The following PTPRD variants were observed in gnomAD, a reference collection of about 807,000 sequenced individuals.
PTPRD encodes receptor-type tyrosine-protein phosphatase delta.
A neutral mutation model predicts 214.5 loss-of-function variants in PTPRD; 34 were observed. The observed-to-expected ratio is 0.16, with a 90% CI of 0.12 to 0.21. The LOEUF is 0.21. PTPRD is among the 10% of genes least tolerant of loss of function. The probability of loss-of-function intolerance (pLI) is 1.00; values close to 1 mark genes in which losing one functional copy is unlikely to be tolerated. For missense variants in PTPRD, 2,545 were observed against 2,398.7 expected (o/e 1.06, Z -1.27); for synonymous variants, 1,128 against 845.7 (o/e 1.33, Z -5.79).
At chr9:8,512,211 T>C (rs148364735) in intron 21 of PTPRD, among the ~76,000 whole-genome samples, 106 of 152,186 alleles carry the variant, frequency 7.0e-4, no homozygotes, top group African/African-American at 2.4e-3. Flanking sequence ...GCCAGAATTA[T>C]AACGGTAGTA....
chr9:10,025,533 A>G (rs2096907316), intron 4 of PTPRD, among the ~76,000 whole-genome samples: 1 of 152,160 alleles, frequency 6.6e-6, no homozygotes. Context: ...GCCAACTTTC[A>G]TCATAGGAGA....
chr9:10,117,995 C>T (rs1292533948), intron 3 of PTPRD, among the ~76,000 whole-genome samples: 1 of 151,908 alleles, frequency 6.6e-6, no homozygotes, highest in African/African-American at 2.4e-5. Context: ...ACTTTCCCCC[C>T]TGGAAAAAAT....
chr9:8,576,126 T>C (rs75399784), intron 14 of PTPRD, among the ~76,000 whole-genome samples: 2,669 of 152,310 alleles, frequency 0.018, 76 homozygotes, highest in African/African-American at 0.061. Context: ...CCTTGAAGTG[T>C]TGGAAGATTA....
intron 9 of PTPRD, among the ~76,000 whole-genome samples, chr9:9,374,907 A>G (rs1017309457): frequency 4.6e-5 from 7 of 152,350 alleles, no homozygotes; most frequent in Non-Finnish European, 7.4e-5. Flanking sequence ...ATCAATAACA[A>G]TAACAGAAGG....
chr9:9,808,040 G>A (rs2045973099), intron 5 of PTPRD, among the ~76,000 whole-genome samples: 1 of 152,126 alleles, frequency 6.6e-6, no homozygotes, highest in Non-Finnish European at 1.5e-5. Flanking sequence ...AGAAAGGAGT[G>A]AAACCAAAAT....
At chr9:9,208,645 A>C (rs1055035971) in intron 9 of PTPRD, among the ~76,000 whole-genome samples, 65 of 152,100 alleles carry the variant, frequency 4.3e-4, no homozygotes, top group Admixed American at 3.1e-3. Flanking sequence ...TAAGTGAACC[A>C]ATTAGTATTT....
chr9:10,147,029 C>T (rs2099027768), intron 3 of PTPRD, among the ~76,000 whole-genome samples: 1 of 152,072 alleles, frequency 6.6e-6, no homozygotes, highest in Admixed American at 6.6e-5. Flanking sequence ...AATATTCTAC[C>T]CCGTGCCAAA....
At chr9:10,449,535 A>ATG (rs1588428374) in intron 2 of PTPRD, among the ~76,000 whole-genome samples, 1 of 149,258 alleles carries the variant, frequency 6.7e-6, no homozygotes, top group East Asian at 2.0e-4. Context: ...CTGCCCAGCC[A>ATG]CCCAGTCTGG....
At chr9:9,665,577 C>T (rs111389604) in intron 7 of PTPRD, among the ~76,000 whole-genome samples, 1 of 151,526 alleles carries the variant, frequency 6.6e-6, no homozygotes, top group African/African-American at 2.4e-5. Flanking sequence ...CTCAGAGTCC[C>T]CCAGTTACAG....
intron 9 of PTPRD, among the ~76,000 whole-genome samples, chr9:9,327,629 C>A (rs193292778): frequency 6.7e-4 from 102 of 152,054 alleles, no homozygotes; most frequent in Non-Finnish European, 1.1e-3. Context: ...GAGGTTTATT[C>A]TAGGACAAGG....
chr9:8,747,348 A>T (rs2092937893), intron 11 of PTPRD, among the ~76,000 whole-genome samples: 1 of 152,160 alleles, frequency 6.6e-6, no homozygotes, highest in Non-Finnish European at 1.5e-5. Flanking sequence ...CCATTCCCAT[A>T]CAACAATATG....
intron 3 of PTPRD, among the ~76,000 whole-genome samples, chr9:10,339,039 A>T (rs909771011): frequency 6.6e-6 from 1 of 151,758 alleles, no homozygotes; most frequent in African/African-American, 2.4e-5. Flanking sequence ...CATTACTTGC[A>T]AGATCATAGA....
chr9:10,578,790 T>C (rs1156669944), intron 2 of PTPRD, among the ~76,000 whole-genome samples: 2 of 152,200 alleles, frequency 1.3e-5, no homozygotes, highest in African/African-American at 4.8e-5. Flanking sequence ...CATGGGTATA[T>C]TGTATAACTC....
chr9:10,174,682 C>T (rs1385035827), intron 3 of PTPRD, among the ~76,000 whole-genome samples: 1 of 151,702 alleles, frequency 6.6e-6, no homozygotes, highest in Non-Finnish European at 1.5e-5. Context: ...AAAGTGAAAT[C>T]AACTAATCAT....
chr9:8,576,545 G>A (rs1268400754), intron 14 of PTPRD, among the ~76,000 whole-genome samples: 1 of 144,574 alleles, frequency 6.9e-6, no homozygotes, highest in Non-Finnish European at 1.5e-5. Flanking sequence ...GTTATGTGTA[G>A]TTCTCTTTTT....
At chr9:8,554,097 A>T (rs963295314) in intron 14 of PTPRD, among the ~76,000 whole-genome samples, 1 of 152,172 alleles carries the variant, frequency 6.6e-6, no homozygotes, top group Admixed American at 6.5e-5. Flanking sequence ...CTGAGGCAGT[A>T]GAATCACTTG....
intron 9 of PTPRD, among the ~76,000 whole-genome samples, chr9:9,337,382 CTT>C (rs1218810235): frequency 6.6e-6 from 1 of 152,122 alleles, no homozygotes; most frequent in African/African-American, 2.4e-5. Flanking sequence ...AAAAAGAAGA[CTT>C]TAATAGATCA....
intron 10 of PTPRD, among the ~76,000 whole-genome samples, chr9:9,043,136 G>A (rs984912670): frequency 6.6e-6 from 1 of 152,154 alleles, no homozygotes; most frequent in African/African-American, 2.4e-5. Context: ...GTGAGTTAGT[G>A]TCTGTGGCTC....
At chr9:8,948,787 A>C (rs1271902943) in intron 11 of PTPRD, among the ~76,000 whole-genome samples, 1 of 150,844 alleles carries the variant, frequency 6.6e-6, no homozygotes, top group Non-Finnish European at 1.5e-5. Flanking sequence ...CTCAAGAAAC[A>C]CAAAAGGATG....
Sources: allele counts gnomAD v4.1 joint callset (sites outside exome capture counted in the v4.1 genomes callset), GRCh38; gene constraint gnomAD v4.1.1; transcripts MANE v1.5; gene names NCBI Gene and HGNC (gene_info 2026-07-23, HGNC 2026-07-21).